The following HEXD variants were observed in gnomAD, a reference collection of about 807,000 sequenced individuals.
HEXD encodes hexosaminidase D, also known as N-acetyl-beta-galactosaminidase.
In HEXD, 47 loss-of-function variants were observed where a neutral mutation model predicts 54.2. That is an observed-to-expected ratio of 0.87 (90% CI 0.69 to 1.11). HEXD has a LOEUF of 1.11. Among genes scored for constraint, HEXD ranks in the 50% least tolerant of loss-of-function variants. The pLI is 0.00. For synonymous variants in HEXD, 293 were observed against 287.6 expected, an observed-to-expected ratio of 1.02 and a Z score of -0.19; for missense variants, 576 against 649.2, an observed-to-expected ratio of 0.89 and a Z score of 1.23.
rs759641503 is a variant in HEXD, at chr17:82,440,972, C to G, written c.983-25C>G. 4 of 1,613,032 alleles carry G rather than the reference C, an allele frequency of 2.5e-6. No individual in the cohort carries two copies. In the Admixed American group the frequency reaches 6.7e-5, roughly 27 times the overall value. On this transcript the variant is annotated intron_variant, in intron 9 of 12. Transcript: ENST00000327949. ...TCCCCTCCTCCAGAGGCCCCTCCAA[C>G]CGCCCCGCTCATTTGTGATTTCAGG... is the stretch of plus-strand genomic sequence containing the variant.
At chr17:82,438,583 G>A (rs2053839551) in intron 8 of HEXD, among the ~76,000 whole-genome samples, 1 of 152,270 alleles carries the variant, frequency 6.6e-6, no homozygotes, top group African/African-American at 2.4e-5. Flanking sequence ...CGCCGGCCAA[G>A]TCCTGACCTT....
In HEXD at chr17:82,419,751, A is replaced by G. The variant is rs2053176357; in HGVS notation, c.-49A>G. ...TAACTCTTGATTTTCTCCACTAGGA[A>G]GAAGTCCCCAAGGAGACTTCGCCAT... On this transcript the variant is annotated splice_region_variant and 5_prime_UTR_variant, in exon 2 of 13. Transcript: ENST00000327949. 1 of 1,188,228 alleles carries G rather than the reference A, an allele frequency of 8.4e-7. No individual in the cohort carries two copies. The highest frequency in any genetic ancestry group is 1.2e-5 in the South Asian group (1 of 80,926). 73.6% of individuals were successfully genotyped at this position (1,188,228 alleles called of 1,614,324 possible). A position where few individuals can be genotyped will look rare whatever the true frequency, so the allele number is the denominator to read the frequency against.
At chr17:82,430,049 GCTC>G (rs1016414777) in intron 4 of HEXD, among the ~76,000 whole-genome samples, 1 of 152,080 alleles carries the variant, frequency 6.6e-6, no homozygotes, top group African/African-American at 2.4e-5. Context: ...TCCTGCTGCT[GCTC>G]CTCCTCCTCT....
chr17:82,433,598 G>A (rs2053672956), intron 4 of HEXD, 60 bp from the exon 5 acceptor site: 1 of 1,452,762 alleles, frequency 6.9e-7, no homozygotes, highest in South Asian at 1.5e-5. Context: ...CCCCAGGTGG[G>A]CAGAAGGAGA....
intron 2 of HEXD, among the ~76,000 whole-genome samples, chr17:82,422,340 G>C (rs1041372318): frequency 3.3e-5 from 5 of 151,712 alleles, no homozygotes; most frequent in African/African-American, 1.2e-4. Flanking sequence ...ATCAGAAATA[G>C]AAAAGCCCAG....
At chr17:82,440,085 C>G (rs1383309429) in intron 9 of HEXD, 1 of 1,299,638 alleles carries the variant, frequency 7.7e-7, no homozygotes. Flanking sequence ...CTGGAAGGCC[C>G]CGCACCCTGG....
rs1303177268 is a variant in HEXD, at chr17:82,433,131, T to A, written c.283-527T>A. Among the ~76,000 whole-genome samples, 135 of 28,534 alleles carry A rather than the reference T, an allele frequency of 4.7e-3. 3 individuals carry two copies. Among genetic ancestry groups the A allele is most frequent in the East Asian group, 0.023 (1 of 44 alleles). The allele number at this position is 28,534 out of a possible 152,430, so 18.7% of individuals were successfully genotyped here. A position where few individuals can be genotyped will look rare whatever the true frequency, so the allele number is the denominator to read the frequency against. The stretch of plus-strand genomic sequence containing the variant: ...ATATATATATATATATATATATATT[T>A]TTTTTTTTTTTTTATATATATATTT... On this transcript the variant is annotated intron_variant, in intron 4 of 12. Transcript: ENST00000327949.
chr17:82,431,317 AT>A (rs1445279532), intron 4 of HEXD, among the ~76,000 whole-genome samples: 1 of 150,988 alleles, frequency 6.6e-6, no homozygotes, highest in African/African-American at 2.4e-5. Context: ...TTTTGAGTTA[AT>A]TTTTTTTGTT....
At chr17:82,436,984 CTG>C in intron 7 of HEXD, 182 bp from the exon 8 acceptor site, 1 of 665,694 alleles carries the variant, frequency 1.5e-6, no homozygotes, top group East Asian at 2.6e-5. Flanking sequence ...CACGTACACT[CTG>C]GAGTCTCCCC....
chr17:82,441,553 G>A (rs2053970397), intron 11 of HEXD, among the ~76,000 whole-genome samples: 1 of 150,846 alleles, frequency 6.6e-6, no homozygotes, highest in African/African-American at 2.4e-5. Context: ...GGAAGGCATG[G>A]GGCAGGTGTG....
intron 4 of HEXD, among the ~76,000 whole-genome samples, chr17:82,431,774 G>A (rs555532350): frequency 1.3e-5 from 2 of 152,206 alleles, no homozygotes; most frequent in Admixed American, 6.5e-5. Context: ...GATAAATTCT[G>A]CATGTGGGCC....
At chr17:82,432,759 G>C (rs983350942) in intron 4 of HEXD, among the ~76,000 whole-genome samples, 1 of 151,634 alleles carries the variant, frequency 6.6e-6, no homozygotes, top group Non-Finnish European at 1.5e-5. Context: ...TTCTTAAACC[G>C]ATTTGGTTTT....
rs144983886 is a variant in HEXD, at chr17:82,435,545, G to T, written c.448-144G>T. The stretch of plus-strand genomic sequence containing the variant: ...TGAGGAAGACAGGGACACGCTGGGG[G>T]TGGTAAGCAAAGGCTCCGAGCCCCT... On this transcript the variant is annotated intron_variant, in intron 5 of 12. Coordinates refer to ENST00000327949, the MANE Select transcript of HEXD (RefSeq NM_001330542.2). 3.1e-4 allele frequency: 217 copies of T among 697,182 alleles called. 1 individual carries two copies. In the East Asian group the frequency reaches 5.5e-3, roughly 18 times the overall value. 43.2% of individuals were successfully genotyped at this position (697,182 alleles called of 1,614,324 possible).
At position 82,440,306 on chromosome 17, in the gene HEXD, G is replaced by A. The variant is rs543768802; in HGVS notation, c.982+593G>A. The A allele has an allele frequency of 3.2e-5, 40 of 1,263,332 alleles. No homozygotes were observed. The East Asian group carries it at 1.2e-3, about 39-fold the overall frequency. 78.3% of individuals were successfully genotyped at this position (1,263,332 alleles called of 1,614,324 possible). ...CGCGCGGAGAGCGGGACCCGCAGGC[G>A]CGGCGGCCCAGGGACGGGGACGCGG... On this transcript the variant is annotated intron_variant, in intron 9 of 12. Transcript: ENST00000327949.
At chr17:82,440,281 C>G (rs911989301) in intron 9 of HEXD, 1 of 1,283,104 alleles carries the variant, frequency 7.8e-7, no homozygotes, top group African/African-American at 1.5e-5. Flanking sequence ...ATGGCCGAGA[C>G]GCGCGGAGAG....
In HEXD at chr17:82,434,542, C is replaced by T. The variant is rs998288590; in HGVS notation, c.447+720C>T. Among the ~76,000 whole-genome samples the T allele has an allele frequency of 2.0e-5, 3 of 152,178 alleles. No individual in the cohort carries two copies. Among genetic ancestry groups the T allele is most frequent in the Non-Finnish European group, 4.4e-5 (3 of 68,030 alleles). ...TACACTTAAGCTTTACCATTCTAAC[C>T]ATTTTAAAATATAGGCTGGGTGTGG... is the stretch of plus-strand genomic sequence containing the variant. On this transcript the variant is annotated intron_variant, in intron 5 of 12. Coordinates refer to ENST00000327949, the MANE Select transcript of HEXD (RefSeq NM_001330542.2). This position sits in a 1 kb window ranked among gnomAD's most constrained non-coding sequence, Gnocchi z 4.5.
intron 4 of HEXD, 50 bp downstream of exon 4, chr17:82,428,695 G>T (rs781766428): frequency 4.6e-6 from 7 of 1,523,370 alleles, no homozygotes; most frequent in Admixed American, 1.7e-5. Flanking sequence ...GGGTCCAGGG[G>T]CTGCAGGCTG....
intron 4 of HEXD, among the ~76,000 whole-genome samples, chr17:82,430,022 G>A (rs1211933738): frequency 1.3e-5 from 2 of 152,052 alleles, no homozygotes; most frequent in Admixed American, 6.6e-5. Context: ...CACCCGCCAC[G>A]CCCTGACCCA....
In HEXD at chr17:82,442,600, G is replaced by C. The variant is rs751505251; in HGVS notation, c.*216G>C. 3.5e-5 allele frequency: 55 copies of C among 1,556,658 alleles called. No individual in the cohort carries two copies. The highest frequency in any genetic ancestry group is 4.5e-5 in the Non-Finnish European group (52 of 1,144,668). On this transcript the variant is annotated 3_prime_UTR_variant, in exon 13 of 13. Coordinates refer to ENST00000327949, the MANE Select transcript of HEXD (RefSeq NM_001330542.2). The surrounding 1 kb of genome is among the most constrained non-coding windows in gnomAD (Gnocchi z 6.8). ...GGGAGACCCGCTTTGTGATCTGCAT[G>C]TGTGACACTGATTCTTTGGAAATAA...
Sources: allele counts gnomAD v4.1 joint callset (sites outside exome capture counted in the v4.1 genomes callset), GRCh38; gene constraint gnomAD v4.1.1; non-coding constraint Gnocchi (gnomAD v3.1); transcripts MANE v1.5; gene names NCBI Gene and HGNC (gene_info 2026-07-23, HGNC 2026-07-21).